The following ARHGAP25 variants were observed in gnomAD, a reference collection of about 807,000 sequenced individuals.
ARHGAP25 encodes the protein rho GTPase-activating protein 25.
ARHGAP25 carries 34 observed loss-of-function variants against 71.0 expected under a neutral mutation model. The observed-to-expected ratio is 0.48, with a 90% confidence interval of 0.36 to 0.64. ARHGAP25 has a LOEUF of 0.64. Among genes scored for constraint, ARHGAP25 ranks in the 30% least tolerant of loss-of-function variants. ARHGAP25 has a pLI of 0.00. For synonymous variants in ARHGAP25, 282 were observed against 296.5 expected, an observed-to-expected ratio of 0.95 and a Z score of 0.50; for missense variants, 706 against 805.1, an observed-to-expected ratio of 0.88 and a Z score of 1.49.
At position 68,819,153 on chromosome 2, in the gene ARHGAP25, T is replaced by G. The variant is rs143413666; in HGVS notation, c.1034T>G (p.Met345Arg). Residue 345 changes from methionine (M) to arginine (R), a missense_variant, in exon 9 of 11, where the codon ATG becomes AGG. Transcript: ENST00000409202. ...GTPQIQRVMT[M>R]MIRDHEVLFP... ...CCTCAGATCCAAAGAGTGATGACTA[T>G]GATGATCAGAGACCATGAAGTCCTC... 236 of 1,585,206 alleles carry G rather than the reference T, an allele frequency of 1.5e-4. No homozygotes were observed. The highest frequency in any genetic ancestry group is 6.9e-4 in the South Asian group (60 of 87,096).
At chr2:68,818,204 C>T (rs1310256329) in intron 8 of ARHGAP25, among the ~76,000 whole-genome samples, 1 of 152,176 alleles carries the variant, frequency 6.6e-6, no homozygotes, top group Admixed American at 6.5e-5. Flanking sequence ...AAGGGTTTGC[C>T]CAATGGTCCC....
Position 68,775,365 on chromosome 2 carries a change from T to G in ARHGAP25, c.206T>G (p.Val69Gly). Reference protein sequence around the residue: ...IVKNWQQRYFVLRAQQLYYYK... With the variant: ...IVKNWQQRYFGLRAQQLYYYK... Reference sequence around the variant, plus strand: ...AAGAACTGGCAGCAGAGGTACTTTGTGCTGAGGGCGCAGCAGCTCTACTAC... The same window carrying G: ...AAGAACTGGCAGCAGAGGTACTTTGGGCTGAGGGCGCAGCAGCTCTACTAC... The change falls in exon 2 of 11, where the codon GTG becomes GGG. Residue 69 changes from valine (V) to glycine (G), a missense_variant. Val to Gly is a moderately radical substitution (Grantham distance 109, BLOSUM62 -3). Transcript: ENST00000409202. 1 of 1,614,240 alleles carries G rather than the reference T, an allele frequency of 6.2e-7. No homozygotes were observed. Among genetic ancestry groups the G allele is most frequent in the Non-Finnish European group, 8.5e-7 (1 of 1,180,048 alleles).
rs141415837 is a variant in ARHGAP25, at chr2:68,785,850, G to C, written c.350-1990G>C. Among the ~76,000 whole-genome samples the C allele has an allele frequency of 2.6e-5, 4 of 152,308 alleles. No homozygotes were observed. The East Asian group carries it at 7.7e-4, about 29-fold the overall frequency. ...CCCAAAGGGTAACACATGTTGAACA[G>C]GCTGTGTTTAAGTCAGATAAATTAT... On this transcript the variant is annotated intron_variant, in intron 3 of 10. Coordinates refer to ENST00000409202, the MANE Select transcript of ARHGAP25 (RefSeq NM_001007231.3).
chr2:68,750,289 A>T (rs1676081183), intron 1 of ARHGAP25, among the ~76,000 whole-genome samples: 1 of 150,596 alleles, frequency 6.6e-6, no homozygotes, highest in Non-Finnish European at 1.5e-5. Flanking sequence ...GGGATGACAG[A>T]CATGAGCCAC....
At chr2:68,722,237 C>T (rs888129832) in intron 2 of ARHGAP25, among the ~76,000 whole-genome samples, 5 of 152,216 alleles carry the variant, frequency 3.3e-5, no homozygotes, top group African/African-American at 1.2e-4. Flanking sequence ...TCTAAGGGCT[C>T]TTCAGAACTC....
intron 1 of ARHGAP25, among the ~76,000 whole-genome samples, chr2:68,744,445 C>T (rs1675696484): frequency 6.6e-6 from 1 of 152,130 alleles, no homozygotes; most frequent in South Asian, 2.1e-4. Flanking sequence ...GTGCTGGACA[C>T]TTTACTAGGC....
intron 1 of ARHGAP25, among the ~76,000 whole-genome samples, chr2:68,736,167 T>TA (rs1487627921): frequency 6.6e-6 from 1 of 152,182 alleles, no homozygotes; most frequent in African/African-American, 2.4e-5. Context: ...TTTGAACCTC[T>TA]AATGGGGTTA....
intron 10 of ARHGAP25, among the ~76,000 whole-genome samples, chr2:68,825,552 T>A (rs1235688863): frequency 1.3e-5 from 2 of 151,816 alleles, no homozygotes; most frequent in African/African-American, 4.8e-5. Flanking sequence ...GATCACGAGG[T>A]CAGGAGATCA....
intron 5 of ARHGAP25, among the ~76,000 whole-genome samples, chr2:68,810,988 C>T (rs1441445973): frequency 2.6e-5 from 4 of 152,132 alleles, no homozygotes; most frequent in East Asian, 1.9e-4. Context: ...GTTCTCCACC[C>T]GCCTTGGCCT....
chr2:68,746,597 C>A (rs1454540291), intron 1 of ARHGAP25, among the ~76,000 whole-genome samples: 1 of 151,990 alleles, frequency 6.6e-6, no homozygotes, highest in Non-Finnish European at 1.5e-5. Context: ...GTTCGGATGT[C>A]TGGGCTGGGG....
chr2:68,804,988 T>C (rs1680260295), intron 4 of ARHGAP25, among the ~76,000 whole-genome samples: 1 of 151,982 alleles, frequency 6.6e-6, no homozygotes, highest in Non-Finnish European at 1.5e-5. Flanking sequence ...GCGGGAAGGA[T>C]TGGGATATTC....
intron 1 of ARHGAP25, among the ~76,000 whole-genome samples, chr2:68,746,174 C>T (rs117712076): frequency 6.6e-6 from 1 of 152,188 alleles, no homozygotes. Flanking sequence ...TTAATTTTCT[C>T]CTCAAGGTCT....
Position 68,775,064 on chromosome 2 carries a change from G to A in ARHGAP25, c.62-157G>A. 2.6e-6 allele frequency: 4 copies of A among 1,532,912 alleles called. No homozygotes were observed. The South Asian group carries it at 3.8e-5, about 15-fold the overall frequency. The allele number at this position is 1,532,912 out of a possible 1,614,324, so 95.0% of individuals were successfully genotyped here. On this transcript the variant is annotated intron_variant, in intron 1 of 10. Transcript: ENST00000409202. ...CCTCGGCTGCTTCTCTGGCTCGGGG[G>A]GGACTTTCTCTGGCTCAGATCCGGA...
At chr2:68,756,191 C>T (rs1382205300) in intron 1 of ARHGAP25, among the ~76,000 whole-genome samples, 1 of 152,228 alleles carries the variant, frequency 6.6e-6, no homozygotes, top group Non-Finnish European at 1.5e-5. Context: ...ACATCCTCTA[C>T]CCCTAGCCCT....
intron 3 of ARHGAP25, among the ~76,000 whole-genome samples, chr2:68,785,440 G>A (rs1054566836): frequency 6.6e-6 from 1 of 152,146 alleles, no homozygotes; most frequent in Non-Finnish European, 1.5e-5. Flanking sequence ...CTAATGAATT[G>A]GATGTGGGAA....
intron 5 of ARHGAP25, among the ~76,000 whole-genome samples, chr2:68,809,927 T>G (rs923478895): frequency 6.6e-6 from 1 of 152,146 alleles, no homozygotes; most frequent in African/African-American, 2.4e-5. Flanking sequence ...TCTACCAGGA[T>G]GGACACTGCC....
At chr2:68,756,065 G>A (rs1676463486) in intron 1 of ARHGAP25, among the ~76,000 whole-genome samples, 1 of 152,136 alleles carries the variant, frequency 6.6e-6, no homozygotes, top group South Asian at 2.1e-4. Context: ...TCTGTCTGAT[G>A]TATCTATTTT....
rs371881296 is a variant in ARHGAP25, at chr2:68,787,824, C to T, written c.350-16C>T. ...TATCACTCTAAGACCTTCACAAGTG[C>T]TAATTCTTCCTCCAGCCTCATGGGA... On this transcript the variant is annotated splice_polypyrimidine_tract_variant and intron_variant, in intron 3 of 10. Transcript: ENST00000409202. 1 of 1,605,860 alleles carries T rather than the reference C, an allele frequency of 6.2e-7. No individual in the cohort carries two copies. The highest frequency in any genetic ancestry group is 8.5e-7 in the Non-Finnish European group (1 of 1,172,364).
chr2:68,731,067 C>G (rs1675010126), upstream of ARHGAP25, among the ~76,000 whole-genome samples: 1 of 152,152 alleles, frequency 6.6e-6, no homozygotes, highest in South Asian at 2.1e-4. Context: ...TAATCAGCAT[C>G]CAACGCAGGC....
Sources: gnomAD v4.1 joint callset for allele counts (sites outside exome capture counted in the v4.1 genomes callset) on GRCh38, gnomAD v4.1.1 for gene constraint, MANE v1.5 for transcripts, NCBI Gene and HGNC (gene_info 2026-07-23, HGNC 2026-07-21) for gene names.